LRP1B: variants seen among roughly 807,000 people sequenced by gnomAD.
LRP1B encodes low-density lipoprotein receptor-related protein 1B.
In LRP1B, 217 loss-of-function variants were observed where a neutral mutation model predicts 556.6. The ratio of observed to expected loss-of-function variants is 0.39; its 90% CI spans 0.35 to 0.44. The LOEUF (loss-of-function observed/expected upper bound fraction) is 0.44, where lower values mean the gene tolerates loss of function less well. Among genes scored for constraint, LRP1B ranks in the 20% least tolerant of loss-of-function variants. The pLI is 1.00. For missense variants in LRP1B, 5,053 were observed against 5,620.8 expected, an observed-to-expected ratio of 0.90 and a Z score of 3.23; for synonymous variants, 2,047 against 1,865.8, an observed-to-expected ratio of 1.10 and a Z score of -2.50.
intron 6 of LRP1B, among the ~76,000 whole-genome samples, chr2:141,223,447 G>T (rs992206333): frequency 2.6e-5 from 4 of 152,126 alleles, no homozygotes; most frequent in African/African-American, 9.7e-5. Flanking sequence ...TATGAAAATG[G>T]CCATACTGCC....
intron 41 of LRP1B, among the ~76,000 whole-genome samples, chr2:140,653,977 A>G (rs974364831): frequency 7.1e-6 from 1 of 140,860 alleles, no homozygotes; most frequent in Non-Finnish European, 1.5e-5. Context: ...ATGAGCCAAG[A>G]TCCTGCCACT....
intron 9 of LRP1B, among the ~76,000 whole-genome samples, chr2:141,057,204 T>C (rs951233301): frequency 3.3e-5 from 5 of 151,918 alleles, no homozygotes; most frequent in Non-Finnish European, 5.9e-5. Context: ...TTCTGTTTAA[T>C]GCTTTCTAAG....
intron 66 of LRP1B, among the ~76,000 whole-genome samples, chr2:140,433,060 A>C (rs973868223): frequency 6.6e-6 from 1 of 152,196 alleles, no homozygotes; most frequent in Non-Finnish European, 1.5e-5. Flanking sequence ...AATTAGATTA[A>C]AACTTTAGAA....
rs148754218 is a variant in LRP1B, at chr2:141,427,112, C to T, written c.343+53284G>A. Among the ~76,000 whole-genome samples the T allele has an allele frequency of 2.7e-3, 405 of 152,138 alleles. 1 individual carries two copies. Among genetic ancestry groups the T allele is most frequent in the African/African-American group, 9.1e-3 (377 of 41,522 alleles). On this transcript the variant is annotated intron_variant, in intron 3 of 90. Coordinates refer to ENST00000389484, the MANE Select transcript of LRP1B (RefSeq NM_018557.3). ...ATTGTTCAACTCCCACTTATGAGTGCGAACAATTAGTGCATAAATTTTTAT... is the reference window on the plus strand; with the variant it reads ...ATTGTTCAACTCCCACTTATGAGTGTGAACAATTAGTGCATAAATTTTTAT...
At chr2:141,378,477 C>T (rs1268790785) in intron 3 of LRP1B, among the ~76,000 whole-genome samples, 1 of 152,064 alleles carries the variant, frequency 6.6e-6, no homozygotes, top group Non-Finnish European at 1.5e-5. Context: ...GAGTTCAAGA[C>T]CAGCATAGGA....
At chr2:141,947,468 A>C (rs555425283) in intron 1 of LRP1B, among the ~76,000 whole-genome samples, 5 of 152,074 alleles carry the variant, frequency 3.3e-5, no homozygotes, top group African/African-American at 1.2e-4. Flanking sequence ...ATAAAATAAA[A>C]GGTAAAGGTG....
At chr2:141,399,214 C>G (rs2104921195) in intron 3 of LRP1B, among the ~76,000 whole-genome samples, 1 of 152,110 alleles carries the variant, frequency 6.6e-6, no homozygotes, top group Admixed American at 6.5e-5. Flanking sequence ...CAAGATCGTG[C>G]CACCGTGCTC....
intron 69 of LRP1B, 99 bp downstream of exon 69, chr2:140,372,909 A>T: frequency 2.4e-6 from 3 of 1,227,004 alleles, no homozygotes; most frequent in Non-Finnish European, 3.5e-6. Flanking sequence ...TGGTAAACAT[A>T]TGACATATTT....
chr2:141,483,860 T>A (rs1439501095), intron 2 of LRP1B, among the ~76,000 whole-genome samples: 1 of 150,986 alleles, frequency 6.6e-6, no homozygotes, highest in Non-Finnish European at 1.5e-5. Flanking sequence ...ATTCTGGATA[T>A]TAGCCCTTTG....
chr2:141,091,341 C>T (rs7564253), intron 7 of LRP1B, among the ~76,000 whole-genome samples: 2 of 151,942 alleles, frequency 1.3e-5, no homozygotes. Flanking sequence ...GTTAGGGAGA[C>T]AAGAGGCTAT....
chr2:141,495,027 T>C (rs890107010), intron 2 of LRP1B, among the ~76,000 whole-genome samples: 2 of 151,910 alleles, frequency 1.3e-5, no homozygotes, highest in African/African-American at 4.8e-5. Context: ...TTTGGGAAAA[T>C]GTCTTGGCTC....
At chr2:141,544,296 CTCTTCTTCTTCTTCT>C (rs1175616888) in intron 2 of LRP1B, among the ~76,000 whole-genome samples, 3 of 78,296 alleles carry the variant, frequency 3.8e-5, no homozygotes, top group African/African-American at 1.0e-4. Flanking sequence ...AAATTTACCA[CTCTTCTTCTTCTTCT>C]TCTTCTTCTT....
Position 141,543,073 on chromosome 2 carries a change from G to A in LRP1B, c.206-62540C>T, listed in dbSNP as rs1199494985. On this transcript the variant is annotated intron_variant, in intron 2 of 90. Transcript: ENST00000389484. ...TTATCCATATACCCTAAATATACCC[G>A]TGAATGATAGAAATCCATTACTATG... 4.6e-5 allele frequency among the ~76,000 whole-genome samples: 7 copies of A among 152,026 alleles called. 1 individual carries two copies. In the South Asian group the frequency reaches 8.3e-4, roughly 18 times the overall value.
intron 4 of LRP1B, among the ~76,000 whole-genome samples, chr2:141,247,924 T>C (rs1309299302): frequency 2.0e-5 from 3 of 152,250 alleles, no homozygotes; most frequent in East Asian, 1.9e-4. Context: ...CTTCCTGTAA[T>C]AGGCTGGGCA....
chr2:141,599,953 G>A (rs1369068188), intron 2 of LRP1B, among the ~76,000 whole-genome samples: 1 of 151,836 alleles, frequency 6.6e-6, no homozygotes, highest in African/African-American at 2.4e-5. Context: ...CTCCCTGCCC[G>A]CTCCACACAC....
intron 6 of LRP1B, among the ~76,000 whole-genome samples, chr2:141,227,070 G>T (rs1444779437): frequency 6.6e-6 from 1 of 152,020 alleles, no homozygotes; most frequent in Admixed American, 6.6e-5. Flanking sequence ...TATGTTTCTA[G>T]GTTTGCTGAA....
chr2:141,030,113 A>G (rs1698325228), intron 11 of LRP1B, among the ~76,000 whole-genome samples: 1 of 152,152 alleles, frequency 6.6e-6, no homozygotes, highest in East Asian at 1.9e-4. Flanking sequence ...ATGAAAAGTT[A>G]CTTGCCATAT....
rs188238422 is a variant in LRP1B, at chr2:140,257,973, G to A, written c.13248-10811C>T. ...CAGTGAAGAGCAAATTGTGCAGCCA[G>A]CCTCCTTTCTACAAGGCCAATGTTT... On this transcript the variant is annotated intron_variant, in intron 86 of 90. Coordinates refer to ENST00000389484, the MANE Select transcript of LRP1B (RefSeq NM_018557.3). Among the ~76,000 whole-genome samples the A allele has an allele frequency of 3.9e-5, 6 of 152,222 alleles. No homozygotes were observed. The East Asian group carries it at 1.2e-3, about 30-fold the overall frequency.
At chr2:140,391,861 A>ATT (rs1684037005) in intron 66 of LRP1B, among the ~76,000 whole-genome samples, 1 of 152,208 alleles carries the variant, frequency 6.6e-6, no homozygotes, top group Non-Finnish European at 1.5e-5. Flanking sequence ...AAAATGAAAC[A>ATT]GAATTATTCT....
Sources: allele counts gnomAD v4.1 joint callset (sites outside exome capture counted in the v4.1 genomes callset), GRCh38; gene constraint gnomAD v4.1.1; transcripts MANE v1.5; gene names NCBI Gene and HGNC (gene_info 2026-07-23, HGNC 2026-07-21).